RAB27A: variants seen among roughly 807,000 people sequenced by gnomAD.
The protein encoded by RAB27A is ras-related protein Rab-27A.
A neutral mutation model predicts 20.8 loss-of-function variants in RAB27A; 17 were observed. That is an observed-to-expected ratio of 0.82 (90% CI 0.56 to 1.23). The LOEUF is 1.23. RAB27A is among the 50% of genes most tolerant of loss of function. The pLI, the probability that RAB27A is intolerant of heterozygous loss-of-function variation, is 0.00. For synonymous variants in RAB27A, 85 were observed against 92.8 expected (o/e 0.92, Z 0.48); for missense variants, 277 against 266.7 (o/e 1.04, Z -0.27).
At chr15:55,279,233 G>C (rs972456719) in intron 1 of RAB27A, among the ~76,000 whole-genome samples, 1 of 152,156 alleles carries the variant, frequency 6.6e-6, no homozygotes, top group Non-Finnish European at 1.5e-5. Flanking sequence ...CCCAGTGTCC[G>C]AGGCCTGTGA....
At chr15:55,282,301 C>A (rs1169280400) in intron 1 of RAB27A, among the ~76,000 whole-genome samples, 1 of 152,194 alleles carries the variant, frequency 6.6e-6, no homozygotes, top group Non-Finnish European at 1.5e-5. Context: ...GCTTCTGGAA[C>A]CATCCCTGCC....
intron 2 of RAB27A, among the ~76,000 whole-genome samples, chr15:55,304,250 G>C (rs896196240): frequency 2.8e-4 from 42 of 151,248 alleles, no homozygotes; most frequent in African/African-American, 9.3e-4. Context: ...TTGTTAAACA[G>C]ATGCTTGAAG....
chr15:55,215,370 C>T (rs1387017259), intron 6 of RAB27A, among the ~76,000 whole-genome samples: 11 of 151,944 alleles, frequency 7.2e-5, no homozygotes, highest in African/African-American at 2.2e-4. Flanking sequence ...GAGTCATAAC[C>T]GGCCGGGCGC....
chr15:55,299,757 C>A (rs2054963938), intron 2 of RAB27A, among the ~76,000 whole-genome samples: 1 of 151,788 alleles, frequency 6.6e-6, no homozygotes, highest in African/African-American at 2.4e-5. Flanking sequence ...ATTAATGGGA[C>A]TTGGGAGAAT....
chr15:55,254,183 G>A (rs891117885), intron 2 of RAB27A, among the ~76,000 whole-genome samples: 1 of 152,142 alleles, frequency 6.6e-6, no homozygotes, highest in African/African-American at 2.4e-5. Flanking sequence ...TGCAAGGTTT[G>A]TAAGTTGAGT....
intron 6 of RAB27A, among the ~76,000 whole-genome samples, chr15:55,210,753 A>C (rs1894986972): frequency 6.6e-6 from 1 of 152,000 alleles, no homozygotes; most frequent in South Asian, 2.1e-4. Context: ...TGCTGTGTAG[A>C]AGCTTTTTAG....
upstream of RAB27A, chr15:55,289,908 C>A (rs1332450305): frequency 6.6e-6 from 1 of 152,096 alleles, no homozygotes; most frequent in Non-Finnish European, 1.5e-5. Flanking sequence ...TCGGGAGCGG[C>A]CCCCGCCCGG....
Position 55,216,633 on chromosome 15 carries a change from AAAAG to A in RAB27A, c.467+7252_467+7255del, listed in dbSNP as rs1895320377. Among the ~76,000 whole-genome samples, 3 of 152,198 alleles carry A rather than the reference AAAAG, an allele frequency of 2.0e-5. No homozygotes were observed. The East Asian group carries it at 5.8e-4, about 29-fold the overall frequency. ...CTCAATCTGTGTGTTGTGTGAAAAA[AAAAG>A]AATAAAAAATAAAAATAAATTTGCA... On this transcript the variant is annotated intron_variant, in intron 6 of 6. Coordinates refer to ENST00000336787, the MANE Select transcript of RAB27A (RefSeq NM_183235.3).
At chr15:55,311,296 T>A (rs2055019591) in intron 2 of RAB27A, among the ~76,000 whole-genome samples, 11 of 152,216 alleles carry the variant, frequency 7.2e-5, no homozygotes, top group Admixed American at 5.9e-4. Context: ...TATCTAAGAA[T>A]TTACCTAGGT....
intron 6 of RAB27A, 101 bp from the exon 7 acceptor site, chr15:55,205,806 A>G (rs1894621605): frequency 9.1e-7 from 1 of 1,094,686 alleles, no homozygotes; most frequent in East Asian, 2.4e-5. Context: ...ATACAAATAT[A>G]CAAGATGACA....
In RAB27A at chr15:55,295,873, A is replaced by AT. The variant is rs112752067; in HGVS notation, c.-112+18165dup. Among the ~76,000 whole-genome samples the AT allele has an allele frequency of 1.3e-3, 192 of 144,802 alleles. 2 individuals are homozygous for AT. Among genetic ancestry groups the AT allele is most frequent in the Admixed American group, 1.9e-3 (27 of 14,440 alleles). 95.0% of individuals were successfully genotyped at this position (144,802 alleles called of 152,430 possible). ...TTTTTGTGATGCAGATTTTGCTTCA[A>AT]TTTTTTTTTTTTAAAAGAACCAATA... On this transcript the variant is annotated intron_variant, in intron 2 of 5. Coordinates refer to the RAB27A transcript ENST00000563262.
chr15:55,252,629 T>A (rs550772717), intron 2 of RAB27A, among the ~76,000 whole-genome samples: 1 of 151,612 alleles, frequency 6.6e-6, no homozygotes, highest in Non-Finnish European at 1.5e-5. Flanking sequence ...AAAATAATAA[T>A]TCATCCATGC....
At chr15:55,285,293 A>T (rs571834749) in intron 1 of RAB27A, among the ~76,000 whole-genome samples, 1 of 150,946 alleles carries the variant, frequency 6.6e-6, no homozygotes, top group Non-Finnish European at 1.5e-5. Context: ...CAACATATAC[A>T]GACGAAAAAC....
At chr15:55,237,499 T>C (rs1246487225) in intron 2 of RAB27A, 1 of 152,186 alleles carries the variant, frequency 6.6e-6, no homozygotes, top group East Asian at 1.9e-4. Flanking sequence ...TCACAGATGA[T>C]GCCTTACCTG....
chr15:55,221,402 T>C (rs1241123626), intron 6 of RAB27A, among the ~76,000 whole-genome samples: 1 of 152,164 alleles, frequency 6.6e-6, no homozygotes, highest in African/African-American at 2.4e-5. Context: ...GCTTCAACAC[T>C]ACAGCATTCT....
intron 2 of RAB27A, among the ~76,000 whole-genome samples, chr15:55,302,808 G>A (rs1322533014): frequency 9.6e-5 from 13 of 136,078 alleles, no homozygotes; most frequent in East Asian, 5.0e-4. Flanking sequence ...CGGCCGCCCC[G>A]TCTGAGAAGT....
rs997104590 is a variant in RAB27A at position 55,310,969 on chromosome 15, A to G, written c.-112+3070T>C. On this transcript the variant is annotated intron_variant, in intron 2 of 5. Transcript: ENST00000563262. ...GCCAATAATTCATAGGCTTCTTCCT[A>G]GTTTTCCTTAGTCCTTCTAATACGC... is the stretch of plus-strand genomic sequence containing the variant. 3.3e-5 allele frequency among the ~76,000 whole-genome samples: 5 copies of G among 152,242 alleles called. No homozygotes were observed. The East Asian group carries it at 9.7e-4, about 29-fold the overall frequency.
At chr15:55,311,013 G>A (rs771804166) in intron 2 of RAB27A, among the ~76,000 whole-genome samples, 9 of 152,092 alleles carry the variant, frequency 5.9e-5, no homozygotes, top group Non-Finnish European at 7.3e-5. Context: ...AAATGTCTGC[G>A]GCACCAATCT....
intron 1 of RAB27A, among the ~76,000 whole-genome samples, chr15:55,316,335 C>G (rs1382002156): frequency 6.8e-6 from 1 of 146,008 alleles, no homozygotes. Context: ...AACAGAAAAC[C>G]AAACACCACA....
Sources: gnomAD v4.1 joint callset for allele counts (sites outside exome capture counted in the v4.1 genomes callset) on GRCh38, gnomAD v4.1.1 for gene constraint, MANE v1.5 for transcripts, NCBI Gene and HGNC (gene_info 2026-07-23, HGNC 2026-07-21) for gene names.